ATXN10: variants seen among roughly 807,000 people sequenced by gnomAD.
The protein encoded by ATXN10 is ataxin-10.
Under a neutral mutation model 52.9 loss-of-function variants are expected in ATXN10, and 28 were observed. The observed-to-expected ratio is 0.53, with a 90% CI of 0.39 to 0.73. ATXN10 has a LOEUF of 0.73. Among genes scored for constraint, ATXN10 ranks in the 30% least tolerant of loss-of-function variants. The probability of loss-of-function intolerance (pLI) is 0.00; values close to 1 mark genes in which losing one functional copy is unlikely to be tolerated. For synonymous variants in ATXN10, 226 were observed against 221.5 expected, an observed-to-expected ratio of 1.02 and a Z score of -0.18; for missense variants, 565 against 577.0, an observed-to-expected ratio of 0.98 and a Z score of 0.21.
intron 5 of ATXN10, among the ~76,000 whole-genome samples, chr22:45,717,601 G>A (rs1924493952): frequency 6.6e-6 from 1 of 152,182 alleles, no homozygotes; most frequent in East Asian, 1.9e-4. Context: ...TCGCTTTTAT[G>A]TGAAGTGACA....
chr22:45,802,641 T>G (rs1651221997), intron 9 of ATXN10, among the ~76,000 whole-genome samples: 1 of 152,214 alleles, frequency 6.6e-6, no homozygotes, highest in Admixed American at 6.5e-5. Flanking sequence ...GCTGTATGAA[T>G]AAGAAATATT....
At position 45,720,110 on chromosome 22, in the gene ATXN10, GT is replaced by G. The variant is rs566424345; in HGVS notation, c.728+1619del. Among the ~76,000 whole-genome samples the G allele has an allele frequency of 4.5e-4, 68 of 152,190 alleles. No individual in the cohort carries two copies. In the Middle Eastern group the frequency reaches 0.017, roughly 38 times the overall value. On this transcript the variant is annotated intron_variant, in intron 6 of 11. Coordinates refer to ENST00000252934, the MANE Select transcript of ATXN10 (RefSeq NM_013236.4). ...TATCTTCTAAGTTGGAAGCCTCAAG[GT>G]TATACTCAGCTTCTCCACTTTACCT...
chr22:45,779,537 G>A (rs963196908), intron 9 of ATXN10, among the ~76,000 whole-genome samples: 2 of 152,194 alleles, frequency 1.3e-5, no homozygotes, highest in African/African-American at 2.4e-5. Flanking sequence ...GTGAGTGGCC[G>A]TCTTGCAGTA....
At chr22:45,717,853 A>T (rs2146773504) in intron 5 of ATXN10, among the ~76,000 whole-genome samples, 1 of 152,292 alleles carries the variant, frequency 6.6e-6, no homozygotes, top group South Asian at 2.1e-4. Context: ...TTTAGTTGTC[A>T]CAGGGGTACT....
chr22:45,812,099 C>G (rs141914633), intron 10 of ATXN10, among the ~76,000 whole-genome samples: 2 of 152,200 alleles, frequency 1.3e-5, no homozygotes, highest in African/African-American at 2.4e-5. Context: ...TCTGCTTGTG[C>G]TCCTCCTGGG....
intron 9 of ATXN10, chr22:45,792,649 CCCT>C (rs1171428250): frequency 3.9e-6 from 1 of 255,374 alleles, no homozygotes; most frequent in Non-Finnish European, 8.1e-6. Flanking sequence ...ACGGCAAGTT[CCCT>C]AAAGTCCCTG....
chr22:45,689,396 C>T, intron 1 of ATXN10: 2 of 389,046 alleles, frequency 5.1e-6, no homozygotes, highest in East Asian at 5.8e-5. Flanking sequence ...CTGCCAGTTA[C>T]TGGCTGAGTG....
intron 3 of ATXN10, among the ~76,000 whole-genome samples, chr22:45,699,063 G>T (rs759057141): frequency 6.6e-6 from 1 of 152,072 alleles, no homozygotes; most frequent in Admixed American, 6.6e-5. Context: ...GTGGTATGAC[G>T]AATATATTAT....
chr22:45,697,431 G>A lies in ATXN10; in HGVS notation c.392-2851G>A, dbSNP rs116350727. Among the ~76,000 whole-genome samples, 763 of 152,068 alleles carry A rather than the reference G, an allele frequency of 5.0e-3. 10 individuals are homozygous for A. The highest frequency in any genetic ancestry group is 0.018 in the African/African-American group (731 of 41,478). On this transcript the variant is annotated intron_variant, in intron 3 of 11. Transcript: ENST00000252934. ...ATTACAGGCGTGAGCCGCTGCGTCC[G>A]GCCTAAAAATCACCCTAAAAGGATA...
chr22:45,689,438 ACTTAC>A (rs1317417699), intron 1 of ATXN10: 1 of 471,430 alleles, frequency 2.1e-6, no homozygotes, highest in African/African-American at 2.0e-5. Flanking sequence ...TCTCTACTTC[ACTTAC>A]CTTATCTGTA....
At chr22:45,676,124 T>C (rs1429802455) in intron 1 of ATXN10, 1 of 152,206 alleles carries the variant, frequency 6.6e-6, no homozygotes, top group African/African-American at 2.4e-5. Context: ...TTCTTTTTTT[T>C]TTCCGAGACA....
chr22:45,837,203 C>A lies in ATXN10; in HGVS notation c.1238-5788C>A, dbSNP rs1477965801. Among the ~76,000 whole-genome samples the A allele has an allele frequency of 6.6e-6, 1 of 152,136 alleles. No homozygotes were observed. The highest frequency in any genetic ancestry group is 1.5e-5 in the Non-Finnish European group (1 of 68,030). On this transcript the variant is annotated intron_variant, in intron 10 of 11. Transcript: ENST00000252934. This position sits in a 1 kb window ranked among gnomAD's most constrained non-coding sequence, Gnocchi z 5.8. Reference sequence around the variant, plus strand: ...GAAAAGTCTTTTAACACATTTAAATCATTTTAATTTACATAATGCATATTT... The same window carrying A: ...GAAAAGTCTTTTAACACATTTAAATAATTTTAATTTACATAATGCATATTT...
Position 45,718,567 on chromosome 22 carries a change from CT to C in ATXN10, c.728+75del. 7.6e-7 allele frequency: 1 copy of C among 1,311,586 alleles called. No individual in the cohort carries two copies. Among genetic ancestry groups the C allele is most frequent in the Non-Finnish European group, 1.1e-6 (1 of 904,972 alleles). The allele number at this position is 1,311,586 out of a possible 1,614,324, so 81.2% of individuals were successfully genotyped here. On this transcript the variant is annotated intron_variant, in intron 6 of 11. Coordinates refer to ENST00000252934, the MANE Select transcript of ATXN10 (RefSeq NM_013236.4). This position sits in a 1 kb window ranked among gnomAD's most constrained non-coding sequence, Gnocchi z 4.4. ...GTATTCGATGCACGTGACTGAAAAG[CT>C]GTGTGGTTTCTGAGTTGGCACAGAA...
chr22:45,720,126 C>A (rs1157481592), intron 6 of ATXN10, among the ~76,000 whole-genome samples: 4 of 152,130 alleles, frequency 2.6e-5, no homozygotes, highest in Admixed American at 2.6e-4. Context: ...CTCAGCTTCT[C>A]CACTTTACCT....
intron 9 of ATXN10, among the ~76,000 whole-genome samples, chr22:45,765,619 G>A (rs186859144): frequency 3.9e-5 from 6 of 152,186 alleles, no homozygotes; most frequent in Non-Finnish European, 8.8e-5. Flanking sequence ...TATTTTAAAA[G>A]CCCCTCCATG....
chr22:45,709,150 T>C (rs570878729), intron 5 of ATXN10, among the ~76,000 whole-genome samples: 3 of 152,334 alleles, frequency 2.0e-5, no homozygotes, highest in Admixed American at 2.0e-4. Context: ...GTCCATCCTC[T>C]TGCAGTCTGA....
At chr22:45,697,062 T>C (rs1371107822) in intron 3 of ATXN10, among the ~76,000 whole-genome samples, 1 of 152,238 alleles carries the variant, frequency 6.6e-6, no homozygotes, top group Admixed American at 6.5e-5. Flanking sequence ...TTGTTAACTA[T>C]TTTAAAGTGA....
intron 10 of ATXN10, among the ~76,000 whole-genome samples, chr22:45,817,542 C>G (rs1569076850): frequency 6.6e-6 from 1 of 152,048 alleles, no homozygotes; most frequent in South Asian, 2.1e-4. Context: ...CCAGACTGGT[C>G]TTGAACTCCT....
chr22:45,694,956 A>C (rs1172007933), intron 3 of ATXN10, among the ~76,000 whole-genome samples: 7 of 150,782 alleles, frequency 4.6e-5, no homozygotes, highest in East Asian at 3.9e-4. Flanking sequence ...AAAAAAAAAA[A>C]AAAAAAAAAA....
Sources: gnomAD v4.1 joint callset for allele counts (sites outside exome capture counted in the v4.1 genomes callset) on GRCh38, gnomAD v4.1.1 for gene constraint, Gnocchi (gnomAD v3.1) non-coding constraint, MANE v1.5 for transcripts, NCBI Gene and HGNC (gene_info 2026-07-23, HGNC 2026-07-21) for gene names.